The following KATNAL2 variants were observed in gnomAD, a reference collection of about 807,000 sequenced individuals.
The protein encoded by KATNAL2 is katanin p60 ATPase-containing subunit A-like 2.
Under a neutral mutation model 76.3 loss-of-function variants are expected in KATNAL2, and 52 were observed. The ratio of observed to expected loss-of-function variants is 0.68; its 90% CI spans 0.55 to 0.86. The LOEUF is 0.86. KATNAL2 is among the 40% of genes least tolerant of loss of function. The pLI is 0.00. For synonymous variants in KATNAL2, 243 were observed against 244.2 expected (o/e 1.00, Z 0.05); for missense variants, 660 against 668.9 (o/e 0.99, Z 0.15).
chr18:46,961,193 G>A (rs1254587767), intron 3 of KATNAL2, among the ~76,000 whole-genome samples: 3 of 152,040 alleles, frequency 2.0e-5, no homozygotes, highest in East Asian at 1.9e-4. Context: ...GGTGGCTCCA[G>A]GCCATCTGGC....
chr18:47,060,103 C>T (rs2061587994), intron 8 of KATNAL2, among the ~76,000 whole-genome samples: 1 of 151,500 alleles, frequency 6.6e-6, no homozygotes, highest in African/African-American at 2.4e-5. Context: ...CTCAAAGAAT[C>T]CTCTTGCCTC....
In KATNAL2 at chr18:47,033,572, C is replaced by T. The variant is rs536656582; in HGVS notation, c.52-12885C>T. On this transcript the variant is annotated intron_variant, in intron 3 of 17. Coordinates refer to ENST00000683218, the MANE Select transcript of KATNAL2 (RefSeq NM_001387690.1). ...TCTTTCTTTCTGCGATACAGCTGAT[C>T]GGGCCTCCACCCTTCCAGAACAGGT... 2.5e-6 allele frequency: 4 copies of T among 1,614,198 alleles called. No homozygotes were observed. The South Asian group carries it at 3.3e-5, about 13-fold the overall frequency.
chr18:46,956,126 A>G (rs769403009), intron 3 of KATNAL2, among the ~76,000 whole-genome samples: 2 of 152,308 alleles, frequency 1.3e-5, no homozygotes, highest in South Asian at 2.1e-4. Flanking sequence ...TTAGTTTTCA[A>G]TATGGTTATT....
chr18:47,035,424 C>T (rs2571026), intron 3 of KATNAL2: 683,681 of 1,436,228 alleles, frequency 0.48, 164,949 homozygotes, highest in East Asian at 0.7. Context: ...GTCCTCGGAG[C>T]AGCAGGCCAC....
At chr18:47,067,458 ATC>A (rs1289131265) in intron 11 of KATNAL2, among the ~76,000 whole-genome samples, 1 of 152,110 alleles carries the variant, frequency 6.6e-6, no homozygotes, top group Non-Finnish European at 1.5e-5. Context: ...GTAGGGGAGA[ATC>A]TCTCACTTTG....
chr18:47,072,653 C>T (rs1286594382), intron 13 of KATNAL2, among the ~76,000 whole-genome samples: 1 of 152,110 alleles, frequency 6.6e-6, no homozygotes, highest in African/African-American at 2.4e-5. Flanking sequence ...TGCCCAGGCT[C>T]CTCTTGAACT....
chr18:47,071,392 G>A (rs569900372), intron 13 of KATNAL2, among the ~76,000 whole-genome samples: 18 of 152,240 alleles, frequency 1.2e-4, no homozygotes, highest in East Asian at 5.8e-4. Context: ...ATTTTGGTAC[G>A]GGGAAGAGTG....
At chr18:46,940,157 C>T (rs1003520758) in intron 1 of KATNAL2, among the ~76,000 whole-genome samples, 5 of 152,202 alleles carry the variant, frequency 3.3e-5, no homozygotes, top group Admixed American at 1.3e-4. Context: ...AAGATTCCAG[C>T]CCTGGCCTGT....
At chr18:47,051,253 G>T (rs548769556) in intron 4 of KATNAL2, among the ~76,000 whole-genome samples, 2 of 151,668 alleles carry the variant, frequency 1.3e-5, no homozygotes, top group Non-Finnish European at 2.9e-5. Flanking sequence ...CAGCAAGACC[G>T]CATCTCTACA....
intron 12 of KATNAL2, 99 bp from the exon 13 acceptor site, chr18:47,069,383 G>A: frequency 1.5e-6 from 2 of 1,354,144 alleles, no homozygotes; most frequent in Non-Finnish European, 2.1e-6. Flanking sequence ...CACGAGAGCT[G>A]AGCAGTCACT....
chr18:47,101,040 C>T lies in KATNAL2; in HGVS notation c.*35C>T, dbSNP rs1568034714. On this transcript the variant is annotated 3_prime_UTR_variant, in exon 18 of 18. Coordinates refer to ENST00000683218, the MANE Select transcript of KATNAL2 (RefSeq NM_001387690.1). ...TACCCTGACCTGGCCACAAAGGCAA[C>T]CACAAAGACCTCCTAGTTTATTAAT... is the stretch of plus-strand genomic sequence containing the variant. 6.2e-7 allele frequency: 1 copy of T among 1,609,402 alleles called. No individual in the cohort carries two copies. The highest frequency in any genetic ancestry group is 8.5e-7 in the Non-Finnish European group (1 of 1,176,582).
At chr18:46,919,306 G>A (rs1164466793) in intron 1 of KATNAL2, among the ~76,000 whole-genome samples, 1 of 152,042 alleles carries the variant, frequency 6.6e-6, no homozygotes, top group Non-Finnish European at 1.5e-5. Context: ...GACCAACATG[G>A]AGAAACCCCG....
At chr18:47,032,395 G>A (rs772588464) in intron 3 of KATNAL2, among the ~76,000 whole-genome samples, 9 of 152,260 alleles carry the variant, frequency 5.9e-5, no homozygotes, top group South Asian at 2.1e-4. Context: ...CACATGGACC[G>A]TGCCACCATG....
At chr18:47,098,970 T>C (rs2063362655) in intron 15 of KATNAL2, 1 of 329,274 alleles carries the variant, frequency 3.0e-6, no homozygotes, top group Non-Finnish European at 5.6e-6. Context: ...GAATGTGCTC[T>C]TTTCCTTTTC....
chr18:47,043,226 C>CAA lies in KATNAL2; in HGVS notation c.52-3213_52-3212dup, dbSNP rs1195140135. On this transcript the variant is annotated intron_variant, in intron 3 of 17. Transcript: ENST00000683218. Reference sequence around the variant, plus strand: ...CCGGCGACAGAGCGAGACTCCGTTTCAAAAAAAAAAAAAAAAAAAGAGATC... The same window carrying CAA: ...CCGGCGACAGAGCGAGACTCCGTTTCAAAAAAAAAAAAAAAAAAAAAGAGATC... Among the ~76,000 whole-genome samples, 59 of 41,652 alleles carry CAA rather than the reference C, an allele frequency of 1.4e-3. 2 individuals are homozygous for CAA. Among genetic ancestry groups the CAA allele is most frequent in the South Asian group, 3.3e-3 (4 of 1,208 alleles). 27.3% of individuals were successfully genotyped at this position (41,652 alleles called of 152,430 possible). A position where few individuals can be genotyped will look rare whatever the true frequency, so the allele number is the denominator to read the frequency against.
At chr18:46,927,568 A>T (rs1473273785) in intron 1 of KATNAL2, among the ~76,000 whole-genome samples, 2 of 151,936 alleles carry the variant, frequency 1.3e-5, no homozygotes, top group Non-Finnish European at 2.9e-5. Flanking sequence ...GTGTCTTGGA[A>T]TTGCTCTTCT....
chr18:47,041,663 T>A (rs559170349), intron 3 of KATNAL2, among the ~76,000 whole-genome samples: 66 of 152,354 alleles, frequency 4.3e-4, no homozygotes, highest in African/African-American at 1.6e-3. Context: ...GCTATAAACA[T>A]CCCTGTGCCA....
intron 15 of KATNAL2, among the ~76,000 whole-genome samples, chr18:47,079,736 A>AT (rs2062417997): frequency 1.3e-5 from 2 of 151,802 alleles, no homozygotes; most frequent in African/African-American, 4.8e-5. Flanking sequence ...CACTTTCTGG[A>AT]TTAGGCTCAT....
chr18:46,946,304 G>T lies in KATNAL2; in HGVS notation c.-262G>T. ...TGATGTGAAAGGAATTGGAGGAGAA[G>T]GGGAAGTTTGGTGATGCACAGTTTG... On this transcript the variant is annotated 5_prime_UTR_variant, in exon 2 of 18. It adds an upstream start codon to the 5' untranslated region. Coordinates refer to ENST00000683218, the MANE Select transcript of KATNAL2 (RefSeq NM_001387690.1). The T allele has an allele frequency of 9.5e-7, 1 of 1,053,024 alleles. No homozygotes were observed. The highest frequency in any genetic ancestry group is 3.0e-5 in the South Asian group (1 of 33,144). 65.2% of individuals were successfully genotyped at this position (1,053,024 alleles called of 1,614,324 possible). A position where few individuals can be genotyped will look rare whatever the true frequency, so the allele number is the denominator to read the frequency against.
Sources: allele counts gnomAD v4.1 joint callset (sites outside exome capture counted in the v4.1 genomes callset), GRCh38; gene constraint gnomAD v4.1.1; transcripts MANE v1.5; gene names NCBI Gene and HGNC (gene_info 2026-07-23, HGNC 2026-07-21).